Variants in SERPIND1 observed in about 807,000 individuals in gnomAD.
SERPIND1 encodes heparin cofactor 2.
Under a neutral mutation model 35.0 loss-of-function variants are expected in SERPIND1, and 34 were observed. The ratio of observed to expected loss-of-function variants is 0.97; its 90% confidence interval spans 0.74 to 1.29. The LOEUF is 1.29. Among genes scored for constraint, SERPIND1 ranks in the 50% most tolerant of loss-of-function variants. The probability of loss-of-function intolerance (pLI) is 0.00; values close to 1 mark genes in which losing one functional copy is unlikely to be tolerated. For missense variants in SERPIND1, 633 were observed against 637.7 expected, an observed-to-expected ratio of 0.99 and a Z score of 0.08; for synonymous variants, 236 against 241.1, an observed-to-expected ratio of 0.98 and a Z score of 0.19.
Position 20,786,803 on chromosome 22 carries a change from T to C in SERPIND1, c.1309-72T>C, listed in dbSNP as rs73877787. 5.9e-4 allele frequency: 839 copies of C among 1,414,940 alleles called. 5 individuals carry two copies. The African/African-American group carries it at 9.7e-3, about 16-fold the overall frequency. 87.6% of individuals were successfully genotyped at this position (1,414,940 alleles called of 1,614,324 possible). Reference sequence around the variant, plus strand: ...CTTTGGATCCTTTCCCTGAATGATATGAGATTGTGCTGGGAACTCTAGCCC... The same window carrying C: ...CTTTGGATCCTTTCCCTGAATGATACGAGATTGTGCTGGGAACTCTAGCCC... On this transcript the variant is annotated intron_variant, in intron 4 of 4. Transcript: ENST00000215727.
chr22:20,779,310 A>C lies in SERPIND1; in HGVS notation c.-3A>C. 1 of 1,614,212 alleles carries C rather than the reference A, an allele frequency of 6.2e-7. No individual in the cohort carries two copies. Among genetic ancestry groups the C allele is most frequent in the Non-Finnish European group, 8.5e-7 (1 of 1,180,048 alleles). The stretch of plus-strand genomic sequence containing the variant: ...TTTCCCTCCCAGCTTTAGCTCCGCC[A>C]AAATGAAACACTCATTAAACGCACT... On this transcript the variant is annotated 5_prime_UTR_variant, in exon 2 of 5. Coordinates refer to ENST00000215727, the MANE Select transcript of SERPIND1 (RefSeq NM_000185.4).
In SERPIND1 at chr22:20,779,814, G is replaced by C; in HGVS notation, c.502G>C (p.Gly168Arg). Residue 168 changes from glycine to arginine, a missense_variant, in exon 2 of 5, where the codon GGT becomes CGT. Coordinates refer to ENST00000215727, the MANE Select transcript of SERPIND1 (RefSeq NM_000185.4). The part of the protein sequence containing the change: ...ISTAMGMISL[G>R]LKGETHEQVH... ...TACTGCGATGGGTATGATTTCCTTA[G>C]GTCTGAAGGGAGAGACCCATGAACA... 2 of 1,614,166 alleles carry C rather than the reference G, an allele frequency of 1.2e-6. No homozygotes were observed. Among genetic ancestry groups the C allele is most frequent in the African/African-American group, 1.3e-5 (1 of 75,040 alleles).
Position 20,784,244 on chromosome 22 carries a change from A to T in SERPIND1, c.1162A>T (p.Arg388Ter), listed in dbSNP as rs1169192794. 6.2e-7 allele frequency: 1 copy of T among 1,614,116 alleles called. No individual in the cohort carries two copies. Among genetic ancestry groups the T allele is most frequent in the Non-Finnish European group, 8.5e-7 (1 of 1,179,990 alleles). The change falls in exon 3 of 5, where the codon AGA becomes TGA. Residue 388 changes from arginine (R) to a stop codon, truncating the protein, a stop_gained and splice_region_variant. Transcript: ENST00000215727. LOFTEE classifies it high-confidence loss of function. ...VERWQKSMTN[R>*]TREVLLPKFK... ...GAGATGGCAAAAAAGCATGACAAAC[A>T]GGTATTTCACACTGTGTGTTTGTTC...
chr22:20,774,692 C>T (rs1025246544), intron 1 of SERPIND1, among the ~76,000 whole-genome samples: 2 of 148,880 alleles, frequency 1.3e-5, no homozygotes, highest in Non-Finnish European at 1.5e-5. Context: ...ACCCGGGAGG[C>T]AGAGGTTGCA....
In SERPIND1 at chr22:20,787,217, C is replaced by G. The variant is rs1031676232; in HGVS notation, c.*151C>G. 3 of 723,660 alleles carry G rather than the reference C, an allele frequency of 4.1e-6. No homozygotes were observed. Among genetic ancestry groups the G allele is most frequent in the Admixed American group, 4.3e-5 (2 of 46,766 alleles). The allele number at this position is 723,660 out of a possible 1,614,324, so 44.8% of individuals were successfully genotyped here. A position where few individuals can be genotyped will look rare whatever the true frequency, so the allele number is the denominator to read the frequency against. Reference sequence around the variant, plus strand: ...CATATGAGAGGAGCTTAGAAACGACCAAGAAGAGAGGCTTGTTGGAATCAA... The same window carrying G: ...CATATGAGAGGAGCTTAGAAACGACGAAGAAGAGAGGCTTGTTGGAATCAA... On this transcript the variant is annotated 3_prime_UTR_variant, in exon 5 of 5. Coordinates refer to ENST00000215727, the MANE Select transcript of SERPIND1 (RefSeq NM_000185.4).
Position 20,787,013 on chromosome 22 carries a change from C to T in SERPIND1, c.1447C>T (p.Arg483Cys), listed in dbSNP as rs746100350. 35 of 1,614,030 alleles carry T rather than the reference C, an allele frequency of 2.2e-5. No individual in the cohort carries two copies. Among genetic ancestry groups the T allele is most frequent in the South Asian group, 1.1e-4 (10 of 91,088 alleles). Residue 483 changes from arginine (R) to cysteine (C), a missense_variant, in exon 5 of 5, where the codon CGC (arginine) becomes TGC (cysteine). By Grantham distance (180) the Arg-to-Cys change is radical. Transcript: ENST00000215727. The part of the protein sequence containing the change: ...RPFLFLIYEH[R>C]TSCLLFMGRV... Reference sequence around the variant, plus strand: ...CTTTCTTTTCCTCATCTACGAGCATCGCACCAGCTGCCTGCTCTTCATGGG... The same window carrying T: ...CTTTCTTTTCCTCATCTACGAGCATTGCACCAGCTGCCTGCTCTTCATGGG...
chr22:20,783,579 C>T (rs2147503009), intron 2 of SERPIND1, among the ~76,000 whole-genome samples: 1 of 152,144 alleles, frequency 6.6e-6, no homozygotes, highest in East Asian at 1.9e-4. Flanking sequence ...ATGGCATCGC[C>T]GCACTCCAGC....
chr22:20,784,573 G>A (rs1934057805), intron 3 of SERPIND1, among the ~76,000 whole-genome samples: 1 of 152,206 alleles, frequency 6.6e-6, no homozygotes, highest in East Asian at 1.9e-4. Context: ...TACTTCCCCG[G>A]GTCACTTGAG....
rs773609990 is a variant in SERPIND1 at position 20,779,834 on chromosome 22, T to C, written c.522T>C (p.His174=). 6.2e-7 allele frequency: 1 copy of C among 1,614,236 alleles called. No homozygotes were observed. Among genetic ancestry groups the C allele is most frequent in the Non-Finnish European group, 8.5e-7 (1 of 1,180,044 alleles). Reference sequence around the variant, plus strand: ...CCTTAGGTCTGAAGGGAGAGACCCATGAACAAGTGCACTCGATTTTGCATT... The same window carrying C: ...CCTTAGGTCTGAAGGGAGAGACCCACGAACAAGTGCACTCGATTTTGCATT... ...MISLGLKGET[H]EQVHSILHFK... Residue 174 remains histidine (H), a synonymous_variant, in exon 2 of 5, where the codon CAT becomes CAC. Transcript: ENST00000215727.
At chr22:20,780,235 C>A (rs774618166) in intron 2 of SERPIND1, 34 bp downstream of exon 2, 2 of 1,613,866 alleles carry the variant, frequency 1.2e-6, no homozygotes, top group African/African-American at 2.7e-5. Flanking sequence ...CACAGCAAAC[C>A]CACAACATAC....
intron 4 of SERPIND1, among the ~76,000 whole-genome samples, chr22:20,786,483 G>A (rs573512239): frequency 1.9e-4 from 29 of 152,240 alleles, no homozygotes; most frequent in South Asian, 1.4e-3. Context: ...ATTAAACACC[G>A]CACTATACAC....
chr22:20,774,910 C>A (rs2147454088), intron 1 of SERPIND1, among the ~76,000 whole-genome samples: 1 of 152,122 alleles, frequency 6.6e-6, no homozygotes, highest in Admixed American at 6.6e-5. Context: ...AATGACAGGG[C>A]AAAGGTTCCA....
chr22:20,780,267 T>C (rs1933665552), intron 2 of SERPIND1, 66 bp downstream of exon 2: 2 of 1,606,794 alleles, frequency 1.2e-6, no homozygotes, highest in Non-Finnish European at 1.7e-6. Context: ...GTGGGTAGAT[T>C]GAATGCCAAG....
intron 3 of SERPIND1, 130 bp from the exon 4 acceptor site, chr22:20,785,874 A>C: frequency 3.9e-6 from 5 of 1,278,686 alleles, no homozygotes; most frequent in African/African-American, 1.5e-5. Context: ...CAGTCCCGGA[A>C]TATAAATTTT....
Position 20,779,988 on chromosome 22 carries a change from A to C in SERPIND1, c.676A>C (p.Ile226Leu), listed in dbSNP as rs1569024122. Residue 226 changes from isoleucine to leucine, a missense_variant, in exon 2 of 5, where the codon ATC becomes CTC. Transcript: ENST00000215727. ...YTLRSVNDLY[I>L]QKQFPILLDF... ...ACTGCGGTCAGTCAATGACCTTTAT[A>C]TCCAGAAGCAGTTTCCAATCCTGCT... is the stretch of plus-strand genomic sequence containing the variant. 1 of 1,614,172 alleles carries C rather than the reference A, an allele frequency of 6.2e-7. No individual in the cohort carries two copies. The highest frequency in any genetic ancestry group is 1.1e-5 in the South Asian group (1 of 91,084).
chr22:20,784,797 T>A (rs1334514749), intron 3 of SERPIND1, among the ~76,000 whole-genome samples: 7 of 152,172 alleles, frequency 4.6e-5, no homozygotes, highest in African/African-American at 1.7e-4. Context: ...TATTATTGGG[T>A]CATGGCAGAA....
chr22:20,778,632 A>G (rs1933497345), intron 1 of SERPIND1, among the ~76,000 whole-genome samples: 1 of 152,152 alleles, frequency 6.6e-6, no homozygotes, highest in Non-Finnish European at 1.5e-5. Context: ...GCCCATGGAC[A>G]TTTTTCAACA....
Position 20,786,889 on chromosome 22 carries a change from C to T in SERPIND1, c.1323C>T (p.Gly441=), listed in dbSNP as rs1192100389. The T allele has an allele frequency of 5.6e-6, 9 of 1,614,056 alleles. No homozygotes were observed. Among genetic ancestry groups the T allele is most frequent in the Non-Finnish European group, 7.6e-6 (9 of 1,180,048 alleles). ...RIAIDLFKHQ[G]TITVNEEGTQ... ...TTTCCAAACAGTTCAAGCACCAAGG[C>T]ACGATCACAGTGAACGAGGAAGGCA... The change falls in exon 5 of 5, where the codon GGC becomes GGT. Residue 441 remains glycine (G), a synonymous_variant. Coordinates refer to ENST00000215727, the MANE Select transcript of SERPIND1 (RefSeq NM_000185.4).
intron 1 of SERPIND1, among the ~76,000 whole-genome samples, chr22:20,775,812 A>C (rs1252140713): frequency 6.6e-6 from 1 of 152,118 alleles, no homozygotes; most frequent in Non-Finnish European, 1.5e-5. Flanking sequence ...ATCTTAGCCA[A>C]AAGGCCAAGA....
Sources: gnomAD v4.1 joint callset for allele counts (sites outside exome capture counted in the v4.1 genomes callset) on GRCh38, gnomAD v4.1.1 for gene constraint, MANE v1.5 for transcripts, NCBI Gene and HGNC (gene_info 2026-07-23, HGNC 2026-07-21) for gene names.